The following DOCK9 variants were observed in gnomAD, a reference collection of about 807,000 sequenced individuals.
The protein encoded by DOCK9 is dedicator of cytokinesis 9, also known as dedicator of cytokinesis protein 9.
In DOCK9, 89 loss-of-function variants were observed where a neutral mutation model predicts 263.3. The ratio of observed to expected loss-of-function variants is 0.34; its 90% confidence interval spans 0.28 to 0.40. DOCK9 has a LOEUF of 0.40. Ranked by LOEUF, DOCK9 falls within the 10% of genes least tolerant of loss-of-function variation. The pLI is 1.00. For synonymous variants in DOCK9, 976 were observed against 973.1 expected (o/e 1.00, Z -0.06); for missense variants, 2,140 against 2,603.4 (o/e 0.82, Z 3.87).
chr13:99,030,751 A>C (rs887147748), intron 1 of DOCK9, among the ~76,000 whole-genome samples: 15 of 152,220 alleles, frequency 9.9e-5, no homozygotes, highest in Admixed American at 8.5e-4. Flanking sequence ...CATCATGTAC[A>C]TCACTGAAAT....
At chr13:99,027,982 C>G (rs905157368) in intron 1 of DOCK9, among the ~76,000 whole-genome samples, 1 of 152,226 alleles carries the variant, frequency 6.6e-6, no homozygotes, top group South Asian at 2.1e-4. Flanking sequence ...TCACACAACA[C>G]AGCACATGCT....
At chr13:99,046,248 C>T (rs1028552911) in intron 1 of DOCK9, among the ~76,000 whole-genome samples, 1 of 152,242 alleles carries the variant, frequency 6.6e-6, no homozygotes, top group Non-Finnish European at 1.5e-5. Context: ...CGACCTCCCA[C>T]CTGGCATATC....
intron 1 of DOCK9, among the ~76,000 whole-genome samples, chr13:99,047,736 C>T (rs575372715): frequency 2.0e-4 from 30 of 151,754 alleles, no homozygotes; most frequent in African/African-American, 4.8e-4. Context: ...TTAGCCAGGC[C>T]GGTCTTGAAC....
chr13:98,968,198 A>C (rs1246589081), intron 1 of DOCK9, among the ~76,000 whole-genome samples: 1 of 152,238 alleles, frequency 6.6e-6, no homozygotes, highest in Non-Finnish European at 1.5e-5. Context: ...TACGAATGAA[A>C]TATAAAATAC....
At chr13:98,991,673 A>C (rs1879841982) in intron 1 of DOCK9, among the ~76,000 whole-genome samples, 1 of 150,504 alleles carries the variant, frequency 6.6e-6, no homozygotes, top group Non-Finnish European at 1.5e-5. Flanking sequence ...AAAATTATAT[A>C]TAAATATAAA....
chr13:99,031,216 T>C (rs548733476), intron 1 of DOCK9, among the ~76,000 whole-genome samples: 59 of 152,334 alleles, frequency 3.9e-4, no homozygotes, highest in African/African-American at 1.3e-3. Context: ...ATTTGTAACA[T>C]TGTGCCAAGG....
At chr13:99,087,380 GA>G (rs1373548602), upstream of DOCK9, among the ~76,000 whole-genome samples, 1 of 152,208 alleles carries the variant, frequency 6.6e-6, no homozygotes, top group Non-Finnish European at 1.5e-5. Context: ...GTAACCTGAG[GA>G]CAACGGCCTG....
chr13:98,853,036 C>G (rs961333224), intron 35 of DOCK9, among the ~76,000 whole-genome samples: 1 of 152,152 alleles, frequency 6.6e-6, no homozygotes, highest in Non-Finnish European at 1.5e-5. Context: ...TTTAAGTTGA[C>G]AGTAAGTTTG....
At chr13:99,069,072 A>G (rs758439999) in intron 1 of DOCK9, among the ~76,000 whole-genome samples, 1 of 152,236 alleles carries the variant, frequency 6.6e-6, no homozygotes, top group African/African-American at 2.4e-5. Context: ...AGCAGCCTGA[A>G]ATGTAAAATG....
chr13:99,046,359 A>C (rs1397998498), intron 1 of DOCK9, among the ~76,000 whole-genome samples: 1 of 152,226 alleles, frequency 6.6e-6, no homozygotes, highest in Admixed American at 6.5e-5. Flanking sequence ...AACACATTGC[A>C]CAACCAAGGG....
At chr13:99,029,305 T>C (rs911191934) in intron 1 of DOCK9, among the ~76,000 whole-genome samples, 1 of 152,180 alleles carries the variant, frequency 6.6e-6, no homozygotes, top group Non-Finnish European at 1.5e-5. Context: ...GATTTCACCC[T>C]ATTTGCCCCC....
intron 38 of DOCK9, among the ~76,000 whole-genome samples, chr13:98,844,591 G>C (rs1243982106): frequency 6.6e-6 from 1 of 152,116 alleles, no homozygotes; most frequent in Non-Finnish European, 1.5e-5. Context: ...TCGAACTCCT[G>C]GTCTCAAGTG....
intron 50 of DOCK9, among the ~76,000 whole-genome samples, chr13:98,798,658 C>T (rs118169782): frequency 0.034 from 5,227 of 152,308 alleles, 127 homozygotes; most frequent in Middle Eastern, 0.088. Flanking sequence ...CAAGAAGCTC[C>T]GCAGACGGCT....
chr13:99,001,645 T>C (rs141912852), intron 1 of DOCK9, among the ~76,000 whole-genome samples: 5 of 152,202 alleles, frequency 3.3e-5, no homozygotes, highest in Admixed American at 2.0e-4. Context: ...GATAAGCCTA[T>C]GGCTGAGAGA....
chr13:98,831,061 A>C (rs2092741992), intron 41 of DOCK9, among the ~76,000 whole-genome samples: 1 of 152,228 alleles, frequency 6.6e-6, no homozygotes, highest in Non-Finnish European at 1.5e-5. Context: ...TTTACTATTA[A>C]GCATCCTCAC....
At chr13:98,922,209 G>A in intron 5 of DOCK9, 63 bp from the exon 6 acceptor site, 3 of 1,305,894 alleles carry the variant, frequency 2.3e-6, no homozygotes, top group Non-Finnish European at 3.2e-6. Flanking sequence ...CTTGCTGTGA[G>A]TTTGGTCAAT....
At chr13:98,815,966 C>A (rs1449271070) in intron 45 of DOCK9, among the ~76,000 whole-genome samples, 1 of 152,080 alleles carries the variant, frequency 6.6e-6, no homozygotes, top group Non-Finnish European at 1.5e-5. Context: ...AATGCAATCT[C>A]ATTAAAAATG....
chr13:99,042,097 C>T (rs1288591515), intron 1 of DOCK9, among the ~76,000 whole-genome samples: 2 of 152,200 alleles, frequency 1.3e-5, no homozygotes, highest in African/African-American at 4.8e-5. Context: ...ATATGGTTAA[C>T]ATGGGAAACT....
At chr13:98,860,236 G>A in intron 33 of DOCK9, 169 bp downstream of exon 33, 2 of 1,452,294 alleles carry the variant, frequency 1.4e-6, no homozygotes, top group Non-Finnish European at 1.8e-6. Context: ...TTCAGGGCAT[G>A]GCTGAGGGGT....
Sources: gnomAD v4.1 joint callset for allele counts (sites outside exome capture counted in the v4.1 genomes callset) on GRCh38, gnomAD v4.1.1 for gene constraint, MANE v1.5 for transcripts, NCBI Gene and HGNC (gene_info 2026-07-23, HGNC 2026-07-21) for gene names.